SMIM12: variants seen among roughly 807,000 people sequenced by gnomAD.
The protein encoded by SMIM12 is small integral membrane protein 12, also known as UPF0767 protein C1orf212.
In SMIM12, 5 loss-of-function variants were observed where a neutral mutation model predicts 6.3. The observed-to-expected ratio is 0.80, with a 90% CI of 0.42 to 1.68. SMIM12 has a LOEUF of 1.68. Among genes scored for constraint, SMIM12 ranks in the 40% most tolerant of loss-of-function variants. The probability of loss-of-function intolerance (pLI) is 0.02; values close to 1 mark genes in which losing one functional copy is unlikely to be tolerated. For missense variants in SMIM12, 103 were observed against 121.4 expected (o/e 0.85, Z 0.71); for synonymous variants, 51 against 48.0 (o/e 1.06, Z -0.26).
rs944119975 is a variant in SMIM12 at position 34,853,007 on chromosome 1, C to T, written c.*2692G>A. ...TAGCTGACAGTCTCTTCCCAAGTTC[C>T]ATCCGATTTGTTCCCTGGGAAGCAA... On this transcript the variant is annotated 3_prime_UTR_variant, in exon 2 of 2. Transcript: ENST00000521580. The T allele has an allele frequency of 6.6e-6, 1 of 152,318 alleles. No homozygotes were observed. Among genetic ancestry groups the T allele is most frequent in the African/African-American group, 2.4e-5 (1 of 41,456 alleles). 9.4% of individuals were successfully genotyped at this position (152,318 alleles called of 1,614,324 possible). A position where few individuals can be genotyped will look rare whatever the true frequency, so the allele number is the denominator to read the frequency against.
rs1640921711 is a variant in SMIM12, at chr1:34,851,189, T to C, written c.*4510A>G. ...ATGTATGTAAAGTTTTAGCACAGTC[T>C]GTGACAATGTATATAAAGTTCTTAG... is the stretch of plus-strand genomic sequence containing the variant. On this transcript the variant is annotated 3_prime_UTR_variant, in exon 2 of 2. Transcript: ENST00000521580. 1 of 152,206 alleles carries C rather than the reference T, an allele frequency of 6.6e-6. No individual in the cohort carries two copies. The highest frequency in any genetic ancestry group is 1.5e-5 in the Non-Finnish European group (1 of 68,040). 9.4% of individuals were successfully genotyped at this position (152,206 alleles called of 1,614,324 possible).
chr1:34,857,250 T>C (rs941314278), intron 1 of SMIM12: 1 of 2,288 alleles, frequency 4.4e-4, no homozygotes, highest in Non-Finnish European at 9.0e-4. Flanking sequence ...GGGGGTGGGG[T>C]GGGGTGGGGT....
In SMIM12 at chr1:34,855,518, C is replaced by G. The variant is rs754004727; in HGVS notation, c.*181G>C. 3.1e-6 allele frequency: 5 copies of G among 1,610,816 alleles called. No individual in the cohort carries two copies. Among genetic ancestry groups the G allele is most frequent in the South Asian group, 2.2e-5 (2 of 90,228 alleles). On this transcript the variant is annotated 3_prime_UTR_variant, in exon 2 of 2. Coordinates refer to ENST00000521580, the MANE Select transcript of SMIM12 (RefSeq NM_138428.6). ...GATGCGGCCTTCCTCTTCACTGGCC[C>G]CTCGGCTGCTGCTGGGTCTGCCTGG...
rs1638549127 is a variant in SMIM12 at position 34,853,905 on chromosome 1, C to G, written c.*1794G>C. ...GGCTGAGGCAGGAGAATCGCTTGAA[C>G]CCAAGAGGTGGAGGTTGCAGTGAAC... On this transcript the variant is annotated 3_prime_UTR_variant, in exon 2 of 2. Transcript: ENST00000521580. 6.6e-6 allele frequency: 1 copy of G among 151,846 alleles called. No individual in the cohort carries two copies. The allele number at this position is 151,846 out of a possible 1,614,324, so 9.4% of individuals were successfully genotyped here. A position where few individuals can be genotyped will look rare whatever the true frequency, so the allele number is the denominator to read the frequency against.
rs1640955368 is a variant in SMIM12, at chr1:34,852,414, A to C, written c.*3285T>G. Among the ~76,000 whole-genome samples, 1 of 137,744 alleles carries C rather than the reference A, an allele frequency of 7.3e-6. No individual in the cohort carries two copies. Among genetic ancestry groups the C allele is most frequent in the Non-Finnish European group, 1.5e-5 (1 of 65,260 alleles). 90.4% of individuals were successfully genotyped at this position (137,744 alleles called of 152,430 possible). On this transcript the variant is annotated 3_prime_UTR_variant, in exon 2 of 2. Coordinates refer to ENST00000521580, the MANE Select transcript of SMIM12 (RefSeq NM_138428.6). ...GTACAGGATGCCCAAAAGTGTTTTG[A>C]GGGAAACCAATTCTGGGATCTAATA... is the stretch of plus-strand genomic sequence containing the variant.
At chr1:34,857,677 C>T (rs1367993045) in intron 1 of SMIM12, 1 of 152,200 alleles carries the variant, frequency 6.6e-6, no homozygotes, top group Non-Finnish European at 1.5e-5. Context: ...GATTCTCCCC[C>T]TCTCTCTTTG....
rs1398262589 is a variant in SMIM12, at chr1:34,851,073, A to C, written c.*4626T>G. The stretch of plus-strand genomic sequence containing the variant: ...TCACCAGGGTCACAAGGATACACAC[A>C]ACTATTGCAGGAAACATAGGTTCTT... On this transcript the variant is annotated 3_prime_UTR_variant, in exon 2 of 2. Transcript: ENST00000521580. 2.0e-5 allele frequency: 3 copies of C among 152,258 alleles called. No homozygotes were observed. Among genetic ancestry groups the C allele is most frequent in the Non-Finnish European group, 4.4e-5 (3 of 68,056 alleles). 9.4% of individuals were successfully genotyped at this position (152,258 alleles called of 1,614,324 possible). A position where few individuals can be genotyped will look rare whatever the true frequency, so the allele number is the denominator to read the frequency against.
rs1251424343 is a variant in SMIM12 at position 34,855,500 on chromosome 1, C to T, written c.*199G>A. The T allele has an allele frequency of 3.1e-6, 5 of 1,607,712 alleles. No homozygotes were observed. The African/African-American group carries it at 4.0e-5, about 13-fold the overall frequency. ...TGTGGCCACCACACAACAGATGCGG[C>T]CTTCCTCTTCACTGGCCCCTCGGCT... is the stretch of plus-strand genomic sequence containing the variant. On this transcript the variant is annotated 3_prime_UTR_variant, in exon 2 of 2. Coordinates refer to ENST00000521580, the MANE Select transcript of SMIM12 (RefSeq NM_138428.6).
rs1348811901 is a variant in SMIM12, at chr1:34,852,265, A to G, written c.*3434T>C. On this transcript the variant is annotated 3_prime_UTR_variant, in exon 2 of 2. Transcript: ENST00000521580. ...TCGACCAGACACCAAGTGGAGGCCAACGGGTGGTGACAGGGATATTTTAAA... is the reference window on the plus strand; with the variant it reads ...TCGACCAGACACCAAGTGGAGGCCAGCGGGTGGTGACAGGGATATTTTAAA... Among the ~76,000 whole-genome samples the G allele has an allele frequency of 6.6e-6, 1 of 152,178 alleles. No individual in the cohort carries two copies. The highest frequency in any genetic ancestry group is 2.4e-5 in the African/African-American group (1 of 41,440).
chr1:34,852,903 G>C lies in SMIM12; in HGVS notation c.*2796C>G, dbSNP rs1638505927. 1 of 152,296 alleles carries C rather than the reference G, an allele frequency of 6.6e-6. No individual in the cohort carries two copies. Among genetic ancestry groups the C allele is most frequent in the Admixed American group, 6.5e-5 (1 of 15,278 alleles). The allele number at this position is 152,296 out of a possible 1,614,324, so 9.4% of individuals were successfully genotyped here. A position where few individuals can be genotyped will look rare whatever the true frequency, so the allele number is the denominator to read the frequency against. On this transcript the variant is annotated 3_prime_UTR_variant, in exon 2 of 2. Coordinates refer to ENST00000521580, the MANE Select transcript of SMIM12 (RefSeq NM_138428.6). ...CTTGGTAATGCCCAGGACTGCCATA[G>C]GGTGGCAGCACTGGTGTGCCGATAA...
In SMIM12 at chr1:34,855,923, G is replaced by A. The variant is rs1638640032; in HGVS notation, c.55C>T (p.Pro19Ser). The A allele has an allele frequency of 3.9e-6, 6 of 1,551,598 alleles. No homozygotes were observed. The highest frequency in any genetic ancestry group is 5.2e-6 in the Non-Finnish European group (6 of 1,146,982). The stretch of plus-strand genomic sequence containing the variant: ...ACAGCCCCGACCACGAAGGCAACAG[G>A]GAATGTGACATAAGGAGCATAGGTA... ...VRTYAPYVTF[P>S]VAFVVGAVGY... Residue 19 changes from proline to serine, a missense_variant, in exon 2 of 2, where the codon CCT (proline) becomes TCT (serine). By Grantham distance (74) the Pro-to-Ser change is moderately conservative (BLOSUM62 -1). Coordinates refer to ENST00000521580, the MANE Select transcript of SMIM12 (RefSeq NM_138428.6).
rs1640922160 is a variant in SMIM12, at chr1:34,851,214, G to A, written c.*4485C>T. ...TGTGACAATGTATATAAAGTTCTTA[G>A]CGTACTATGCTAAGAACCTTACATA... On this transcript the variant is annotated 3_prime_UTR_variant, in exon 2 of 2. Transcript: ENST00000521580. 6.6e-6 allele frequency: 1 copy of A among 152,002 alleles called. No individual in the cohort carries two copies. Among genetic ancestry groups the A allele is most frequent in the South Asian group, 2.1e-4 (1 of 4,806 alleles). 9.4% of individuals were successfully genotyped at this position (152,002 alleles called of 1,614,324 possible). A position where few individuals can be genotyped will look rare whatever the true frequency, so the allele number is the denominator to read the frequency against.
chr1:34,856,729 C>T (rs1031016414), intron 1 of SMIM12: 6 of 152,180 alleles, frequency 3.9e-5, no homozygotes, highest in Non-Finnish European at 8.8e-5. Flanking sequence ...TATGAAAAGT[C>T]GTTCCTTTTC....
At position 34,854,361 on chromosome 1, in the gene SMIM12, C is replaced by G. The variant is rs1199475452; in HGVS notation, c.*1338G>C. 1.3e-5 allele frequency: 2 copies of G among 152,128 alleles called. No homozygotes were observed. Among genetic ancestry groups the G allele is most frequent in the African/African-American group, 4.8e-5 (2 of 41,396 alleles). The allele number at this position is 152,128 out of a possible 1,614,324, so 9.4% of individuals were successfully genotyped here. A position where few individuals can be genotyped will look rare whatever the true frequency, so the allele number is the denominator to read the frequency against. ...CCAAGGCCGGAGGATCACTTGAGCC[C>G]AGGAGTTTGAGACTAGCCTGGGCAA... On this transcript the variant is annotated 3_prime_UTR_variant, in exon 2 of 2. Coordinates refer to ENST00000521580, the MANE Select transcript of SMIM12 (RefSeq NM_138428.6).
chr1:34,857,730 AACACT>A (rs1489702409), intron 1 of SMIM12: 1 of 152,214 alleles, frequency 6.6e-6, no homozygotes, highest in Non-Finnish European at 1.5e-5. Context: ...CTCTAGACGT[AACACT>A]ATAAGGCAGC....
intron 1 of SMIM12, chr1:34,857,360 C>G (rs1638687580): frequency 1.3e-5 from 2 of 152,104 alleles, no homozygotes; most frequent in Admixed American, 1.3e-4. Context: ...ACTCTAATGG[C>G]CAATTCCATC....
chr1:34,852,240 T>A lies in SMIM12; in HGVS notation c.*3459A>T, dbSNP rs1283528525. Among the ~76,000 whole-genome samples, 1 of 152,146 alleles carries A rather than the reference T, an allele frequency of 6.6e-6. No individual in the cohort carries two copies. Among genetic ancestry groups the A allele is most frequent in the Non-Finnish European group, 1.5e-5 (1 of 68,028 alleles). On this transcript the variant is annotated 3_prime_UTR_variant, in exon 2 of 2. Transcript: ENST00000521580. ...CTGGATTCCCAAAGATAGGGCTCTC[T>A]CGACCAGACACCAAGTGGAGGCCAA...
intron 1 of SMIM12, chr1:34,857,801 A>C (rs1023201798): frequency 6.6e-6 from 1 of 152,196 alleles, no homozygotes; most frequent in African/African-American, 2.4e-5. Flanking sequence ...CAATTTTTCC[A>C]CAGATGGGGG....
At chr1:34,859,096 A>G (rs1468640836) in intron 1 of SMIM12, 2 of 152,268 alleles carry the variant, frequency 1.3e-5, no homozygotes, top group Non-Finnish European at 2.9e-5. Context: ...AGACTCCATC[A>G]TAGTCGTCCC....
Sources: allele counts gnomAD v4.1 joint callset (sites outside exome capture counted in the v4.1 genomes callset), GRCh38; gene constraint gnomAD v4.1.1; transcripts MANE v1.5; gene names NCBI Gene and HGNC (gene_info 2026-07-23, HGNC 2026-07-21).